The following ADD2 variants were observed in gnomAD, a reference collection of about 807,000 sequenced individuals.
ADD2 encodes beta-adducin.
A neutral mutation model predicts 83.0 loss-of-function variants in ADD2; 23 were observed. That is an observed-to-expected ratio of 0.28 (90% CI 0.20 to 0.39). The LOEUF is 0.39. ADD2 is among the 10% of genes least tolerant of loss of function. The pLI, the probability that ADD2 is intolerant of heterozygous loss-of-function variation, is 1.00. For synonymous variants in ADD2, 375 were observed against 375.4 expected (o/e 1.00, Z 0.01); for missense variants, 758 against 944.9 (o/e 0.80, Z 2.59).
At chr2:70,707,692 G>A (rs541946366) in intron 2 of ADD2, among the ~76,000 whole-genome samples, 27 of 152,242 alleles carry the variant, frequency 1.8e-4, no homozygotes, top group Non-Finnish European at 3.5e-4. Flanking sequence ...TCAGCAGAAG[G>A]CAGCATGTAC....
At chr2:70,708,160 A>C (rs528663985) in intron 2 of ADD2, among the ~76,000 whole-genome samples, 4 of 152,320 alleles carry the variant, frequency 2.6e-5, no homozygotes, top group African/African-American at 9.6e-5. Flanking sequence ...CTTGGAGGAC[A>C]GTGGAAGGCC....
intron 15 of ADD2, among the ~76,000 whole-genome samples, chr2:70,669,288 T>C (rs1171520937): frequency 6.8e-6 from 1 of 147,590 alleles, no homozygotes; most frequent in Non-Finnish European, 1.5e-5. Context: ...TGAAAATGCA[T>C]CTTCTTTAGT....
At chr2:70,666,206 G>C (rs1553366142) in intron 15 of ADD2, among the ~76,000 whole-genome samples, 1 of 152,254 alleles carries the variant, frequency 6.6e-6, no homozygotes, top group Non-Finnish European at 1.5e-5. Flanking sequence ...CTAGCTCACA[G>C]AAGGCACTCA....
intron 1 of ADD2, among the ~76,000 whole-genome samples, chr2:70,767,159 G>C (rs1675428926): frequency 6.6e-6 from 1 of 152,108 alleles, no homozygotes; most frequent in African/African-American, 2.4e-5. Flanking sequence ...ACCGACTCCC[G>C]CCTCCGGGAC....
intron 10 of ADD2, among the ~76,000 whole-genome samples, chr2:70,680,434 C>T (rs1670400222): frequency 6.6e-6 from 1 of 152,206 alleles, no homozygotes; most frequent in South Asian, 2.1e-4. Flanking sequence ...AGTTTTATCA[C>T]ACTTTGTCAT....
At chr2:70,733,969 G>A (rs1673399649) in intron 1 of ADD2, among the ~76,000 whole-genome samples, 2 of 152,158 alleles carry the variant, frequency 1.3e-5, no homozygotes, top group Admixed American at 1.3e-4. Flanking sequence ...AAGGAAACCA[G>A]TCCGTTCTTA....
At chr2:70,755,467 G>A (rs1378163405) in intron 1 of ADD2, among the ~76,000 whole-genome samples, 7 of 152,180 alleles carry the variant, frequency 4.6e-5, no homozygotes, top group African/African-American at 1.7e-4. Context: ...GCTTGAACCT[G>A]TTTGTTTTTA....
rs1671275981 is a variant in ADD2, at chr2:70,695,790, G to A, written c.486C>T (p.Ser162=). ...TGATCAGGAAGTGGTCCTGCTCCTT[G>A]CTGACTCTCAACTGGAGGAAAGACA... ...LSDTYVTLRV[S]KEQDHFLISP... Residue 162 remains serine, a synonymous_variant, in exon 6 of 16, where the codon AGC becomes AGT. Coordinates refer to ENST00000264436, the MANE Select transcript of ADD2 (RefSeq NM_001617.4). 1.9e-6 allele frequency: 3 copies of A among 1,614,048 alleles called. No homozygotes were observed. The East Asian group carries it at 6.7e-5, about 36-fold the overall frequency.
intron 1 of ADD2, among the ~76,000 whole-genome samples, chr2:70,747,758 G>T (rs3755351): frequency 0.34 from 51,418 of 152,054 alleles, 8,753 homozygotes; most frequent in Middle Eastern, 0.41. Flanking sequence ...TATCTCTTTA[G>T]GGACTAGTGA....
chr2:70,720,961 C>T (rs573918870), intron 1 of ADD2, among the ~76,000 whole-genome samples: 118 of 152,314 alleles, frequency 7.7e-4, no homozygotes, highest in East Asian at 1.5e-3. Context: ...TAGGAAATGA[C>T]GCAGCCACCA....
intron 4 of ADD2, 58 bp downstream of exon 4, chr2:70,704,263 T>TGCCCCCCCCCCCCCCCCCACCC: frequency 1.1e-6 from 1 of 913,238 alleles, no homozygotes; most frequent in Non-Finnish European, 1.7e-6. Flanking sequence ...CTCCCTCTCT[T>TGCCCCCCCCCCCCCCCCCACCC]CCCCACCCCA....
At chr2:70,704,263 T>TGCCCCCCCCCCC in intron 4 of ADD2, 58 bp downstream of exon 4, 12 of 913,234 alleles carry the variant, frequency 1.3e-5, no homozygotes, top group Non-Finnish European at 2.0e-5. Context: ...CTCCCTCTCT[T>TGCCCCCCCCCCC]CCCCACCCCA....
intron 1 of ADD2, among the ~76,000 whole-genome samples, chr2:70,724,264 A>G (rs1035881283): frequency 1.3e-5 from 2 of 152,164 alleles, no homozygotes; most frequent in African/African-American, 4.8e-5. Context: ...CGTGCTGTGG[A>G]GCGAGGGCCT....
At chr2:70,736,991 C>T (rs1417935156) in intron 1 of ADD2, among the ~76,000 whole-genome samples, 2 of 152,078 alleles carry the variant, frequency 1.3e-5, no homozygotes, top group Admixed American at 6.5e-5. Context: ...TCATCAATGG[C>T]CATCAGAGAA....
intron 1 of ADD2, among the ~76,000 whole-genome samples, chr2:70,740,613 T>C (rs1443715787): frequency 6.9e-6 from 1 of 145,616 alleles, no homozygotes; most frequent in Admixed American, 6.9e-5. Context: ...GTTTTTGTTG[T>C]CTTGTTTTTT....
chr2:70,747,741 G>A (rs1421164494), intron 1 of ADD2, among the ~76,000 whole-genome samples: 1 of 152,158 alleles, frequency 6.6e-6, no homozygotes, highest in Non-Finnish European at 1.5e-5. Context: ...TTTGTGTTCA[G>A]CGACAGTATC....
At chr2:70,704,264 C>CCCCCCCCCCCCCCCCCCCA in intron 4 of ADD2, 57 bp downstream of exon 4, 5 of 425,204 alleles carry the variant, frequency 1.2e-5, no homozygotes, top group Non-Finnish European at 1.9e-5. Flanking sequence ...TCCCTCTCTT[C>CCCCCCCCCCCCCCCCCCCA]CCCACCCCAC....
intron 1 of ADD2, among the ~76,000 whole-genome samples, chr2:70,714,550 C>T (rs937026613): frequency 2.7e-4 from 41 of 152,234 alleles, no homozygotes; most frequent in Admixed American, 1.9e-3. Context: ...TCCTGATGCT[C>T]GCCCATCTAC....
chr2:70,705,867 C>T (rs1003516172), intron 3 of ADD2, among the ~76,000 whole-genome samples: 21 of 152,212 alleles, frequency 1.4e-4, no homozygotes, highest in Non-Finnish European at 2.4e-4. Flanking sequence ...CTCCTCCTGG[C>T]ACCCTGCTGG....
Sources: gnomAD v4.1 joint callset for allele counts (sites outside exome capture counted in the v4.1 genomes callset) on GRCh38, gnomAD v4.1.1 for gene constraint, MANE v1.5 for transcripts, NCBI Gene and HGNC (gene_info 2026-07-23, HGNC 2026-07-21) for gene names.